RNF150: variants seen among roughly 807,000 people sequenced by gnomAD.
RNF150 encodes the protein ring finger protein 150.
RNF150 carries 24 observed loss-of-function variants against 39.3 expected under a neutral mutation model. The ratio of observed to expected loss-of-function variants is 0.61; its 90% CI spans 0.44 to 0.86. The LOEUF is 0.86. Ranked by LOEUF, RNF150 falls within the 40% of genes least tolerant of loss-of-function variation. The pLI, the probability that RNF150 is intolerant of heterozygous loss-of-function variation, is 0.00. For missense variants in RNF150, 502 were observed against 587.8 expected, an observed-to-expected ratio of 0.85 and a Z score of 1.51; for synonymous variants, 255 against 227.3, an observed-to-expected ratio of 1.12 and a Z score of -1.10.
At chr4:140,879,993 T>G (rs1263511740) in intron 6 of RNF150, among the ~76,000 whole-genome samples, 1 of 152,198 alleles carries the variant, frequency 6.6e-6, no homozygotes, top group African/African-American at 2.4e-5. Flanking sequence ...TTTATATATT[T>G]TTTTCTTTCC....
At chr4:140,991,160 GTTCAT>G (rs1306466961) in intron 1 of RNF150, among the ~76,000 whole-genome samples, 1 of 152,034 alleles carries the variant, frequency 6.6e-6, no homozygotes, top group Non-Finnish European at 1.5e-5. Context: ...AGAAGTATCT[GTTCAT>G]TTCATTTGCC....
chr4:141,073,478 A>C (rs898146038), intron 1 of RNF150, among the ~76,000 whole-genome samples: 3 of 152,074 alleles, frequency 2.0e-5, no homozygotes, highest in Non-Finnish European at 4.4e-5. Context: ...CCCCGCTTCC[A>C]TTTCATGGGG....
chr4:141,094,793 TG>T (rs1560735707), intron 1 of RNF150, among the ~76,000 whole-genome samples: 4 of 152,172 alleles, frequency 2.6e-5, no homozygotes, highest in African/African-American at 9.6e-5. Flanking sequence ...TAACACCAAA[TG>T]GTCTGAGATA....
chr4:141,013,771 G>A (rs6826345), intron 1 of RNF150, among the ~76,000 whole-genome samples: 146,343 of 152,316 alleles, frequency 0.96, 70,564 homozygotes, highest in East Asian at 1. Flanking sequence ...GATGGAGACA[G>A]CGTGGCATGA....
At chr4:141,185,017 T>TC (rs1392566994) in intron 1 of RNF150, among the ~76,000 whole-genome samples, 1 of 151,478 alleles carries the variant, frequency 6.6e-6, no homozygotes, top group Non-Finnish European at 1.5e-5. Flanking sequence ...GGCTCATTTT[T>TC]TTTTGTTTCC....
At chr4:140,921,374 T>A (rs1467666298) in intron 5 of RNF150, among the ~76,000 whole-genome samples, 9 of 151,722 alleles carry the variant, frequency 5.9e-5, no homozygotes, top group Admixed American at 5.9e-4. Context: ...CTAGAAGAAA[T>A]GGATAAATTC....
chr4:140,925,907 G>T, intron 5 of RNF150, 70 bp downstream of exon 5: 1 of 1,077,384 alleles, frequency 9.3e-7, no homozygotes, highest in Non-Finnish European at 1.4e-6. Flanking sequence ...CAAGTATAAT[G>T]TTTTCTCCCT....
intron 1 of RNF150, chr4:141,212,713 G>T (rs1417176320): frequency 3.3e-5 from 5 of 152,242 alleles, no homozygotes; most frequent in Non-Finnish European, 5.9e-5. Context: ...GTCTCCAGCT[G>T]TTCTAGTCTG....
intron 1 of RNF150, among the ~76,000 whole-genome samples, chr4:141,009,445 A>T (rs1384649598): frequency 6.6e-6 from 1 of 152,218 alleles, no homozygotes; most frequent in African/African-American, 2.4e-5. Context: ...CATGTGGACA[A>T]AATGATTAGT....
intron 4 of RNF150, among the ~76,000 whole-genome samples, chr4:140,929,287 C>T (rs944310932): frequency 1.3e-5 from 2 of 150,404 alleles, no homozygotes; most frequent in South Asian, 2.1e-4. Flanking sequence ...AGACACTGGT[C>T]GTTGTTCTCA....
In RNF150 at chr4:141,171,539, G is replaced by T. The variant is rs563098219; in HGVS notation, c.-6+41255C>A. Among the ~76,000 whole-genome samples the T allele has an allele frequency of 2.6e-4, 39 of 152,126 alleles. No homozygotes were observed. In the South Asian group the frequency reaches 7.9e-3, roughly 31 times the overall value. On this transcript the variant is annotated intron_variant, in intron 1 of 7. Transcript: ENST00000420921. The stretch of plus-strand genomic sequence containing the variant: ...TACTAGTGAGTGAGCACAGAATGGG[G>T]GAACTGAATCCATTACCTCAGTTAG...
At chr4:141,205,419 G>C (rs1240512954) in intron 1 of RNF150, among the ~76,000 whole-genome samples, 1 of 152,168 alleles carries the variant, frequency 6.6e-6, no homozygotes, top group Admixed American at 6.5e-5. Context: ...AGGAAACAAA[G>C]AGAATGAGAA....
chr4:141,048,102 C>T (rs1005506569), intron 1 of RNF150, among the ~76,000 whole-genome samples: 1 of 152,142 alleles, frequency 6.6e-6, no homozygotes, highest in Non-Finnish European at 1.5e-5. Flanking sequence ...AAAGATCCTG[C>T]CTAACCGAAA....
intron 1 of RNF150, among the ~76,000 whole-genome samples, chr4:141,082,627 C>G (rs1244486634): frequency 1.3e-5 from 2 of 151,662 alleles, no homozygotes; most frequent in Non-Finnish European, 2.9e-5. Context: ...CTCGCTCTGT[C>G]GCCCAGGCTG....
chr4:141,207,626 G>A (rs1032771091), intron 1 of RNF150, among the ~76,000 whole-genome samples: 10 of 152,120 alleles, frequency 6.6e-5, no homozygotes, highest in African/African-American at 1.7e-4. Context: ...AATCAGGAAC[G>A]CAGCCCTCCT....
At chr4:140,949,172 A>ATAC (rs1732444036) in intron 3 of RNF150, 129 bp downstream of exon 3, 1 of 610,292 alleles carries the variant, frequency 1.6e-6, no homozygotes, top group Admixed American at 2.7e-5. Flanking sequence ...ATAATAACAG[A>ATAC]TACTGATAGG....
chr4:140,967,864 T>G lies in RNF150; in HGVS notation c.494A>C (p.Asp165Ala). 15 of 1,613,132 alleles carry G rather than the reference T, an allele frequency of 9.3e-6. No individual in the cohort carries two copies. Among genetic ancestry groups the G allele is most frequent in the Non-Finnish European group, 1.3e-5 (15 of 1,179,424 alleles). ...TITMPHAGVEDIVAIMIPEPK... is the reference protein window; with the variant it reads ...TITMPHAGVEAIVAIMIPEPK... ...CTCAGGAATCATTATGGCCACGATG[T>G]CTTCTACACCTGTGGTAAGAGGGGA... The change falls in exon 2 of 7, where the codon GAC (aspartate) becomes GCC (alanine). Residue 165 changes from aspartate to alanine, a missense_variant. Physicochemically the swap from Asp to Ala is moderately radical, Grantham distance 126 (BLOSUM62 -2). Coordinates refer to ENST00000515673, the MANE Select transcript of RNF150 (RefSeq NM_020724.2).
chr4:140,930,779 A>G (rs1165912434), intron 4 of RNF150, among the ~76,000 whole-genome samples: 5 of 152,204 alleles, frequency 3.3e-5, no homozygotes, highest in Non-Finnish European at 7.3e-5. Flanking sequence ...TCTTCCTAAA[A>G]TATAGCACTG....
chr4:141,174,256 A>C (rs891015956), intron 1 of RNF150, among the ~76,000 whole-genome samples: 1 of 152,150 alleles, frequency 6.6e-6, no homozygotes, highest in Non-Finnish European at 1.5e-5. Context: ...GCTAGTTTGT[A>C]CTGTTTGAGT....
Sources: allele counts gnomAD v4.1 joint callset (sites outside exome capture counted in the v4.1 genomes callset), GRCh38; gene constraint gnomAD v4.1.1; transcripts MANE v1.5; gene names NCBI Gene and HGNC (gene_info 2026-07-23, HGNC 2026-07-21).